GRID1: variants seen among roughly 807,000 people sequenced by gnomAD.
GRID1 encodes glutamate ionotropic receptor delta type subunit 1.
A neutral mutation model predicts 98.0 loss-of-function variants in GRID1; 28 were observed. The observed-to-expected ratio is 0.29, with a 90% confidence interval of 0.21 to 0.39. The LOEUF (loss-of-function observed/expected upper bound fraction) is 0.39. Among genes scored for constraint, GRID1 ranks in the 10% least tolerant of loss-of-function variants. GRID1 has a pLI of 1.00. For missense variants in GRID1, 1,111 were observed against 1,340.5 expected, an observed-to-expected ratio of 0.83 and a Z score of 2.67; for synonymous variants, 553 against 538.5, an observed-to-expected ratio of 1.03 and a Z score of -0.37.
At chr10:86,214,273 G>A (rs943286037) in intron 2 of GRID1, among the ~76,000 whole-genome samples, 22 of 152,202 alleles carry the variant, frequency 1.4e-4, no homozygotes, top group Admixed American at 7.2e-4. Context: ...TAACTCAAGC[G>A]TCCCAAGCTC....
rs562937182 is a variant in GRID1, at chr10:86,321,526, T to C, written c.235+42415A>G. Among the ~76,000 whole-genome samples the C allele has an allele frequency of 1.2e-4, 18 of 152,290 alleles. No homozygotes were observed. The South Asian group carries it at 3.7e-3, about 32-fold the overall frequency. On this transcript the variant is annotated intron_variant, in intron 2 of 15. Coordinates refer to ENST00000327946, the MANE Select transcript of GRID1 (RefSeq NM_017551.3). ...TAGGGCAGGAATCATGAAGAATGCTTGCAAGGCAGAAGGTTGATGGGTTCG... is the reference window on the plus strand; with the variant it reads ...TAGGGCAGGAATCATGAAGAATGCTCGCAAGGCAGAAGGTTGATGGGTTCG...
chr10:85,658,281 CA>C (rs1840926348), intron 12 of GRID1, among the ~76,000 whole-genome samples: 3 of 152,188 alleles, frequency 2.0e-5, no homozygotes, highest in African/African-American at 7.2e-5. Flanking sequence ...GCTTCTCCAG[CA>C]GTCACTTGAT....
At chr10:85,683,115 A>T (rs1439446379) in intron 12 of GRID1, among the ~76,000 whole-genome samples, 1 of 152,248 alleles carries the variant, frequency 6.6e-6, no homozygotes, top group Non-Finnish European at 1.5e-5. Flanking sequence ...CACAGAAATT[A>T]TAACAGAGCT....
chr10:85,705,692 G>A (rs1176913318), intron 12 of GRID1, among the ~76,000 whole-genome samples: 3 of 152,056 alleles, frequency 2.0e-5, no homozygotes, highest in Admixed American at 6.6e-5. Flanking sequence ...GATGAACATC[G>A]ATGCAAAAAT....
intron 4 of GRID1, among the ~76,000 whole-genome samples, chr10:86,122,079 C>A (rs1844685174): frequency 6.6e-6 from 1 of 152,188 alleles, no homozygotes; most frequent in South Asian, 2.1e-4. Flanking sequence ...CTAAGGGCAA[C>A]CTGTGCCATA....
chr10:86,165,460 T>C (rs1284354971), intron 3 of GRID1, among the ~76,000 whole-genome samples: 1 of 152,150 alleles, frequency 6.6e-6, no homozygotes, highest in Admixed American at 6.5e-5. Flanking sequence ...GCAGCATTGC[T>C]TGCTGGCCTC....
chr10:85,692,493 C>T (rs1308247331), intron 12 of GRID1, among the ~76,000 whole-genome samples: 1 of 151,594 alleles, frequency 6.6e-6, no homozygotes, highest in Non-Finnish European at 1.5e-5. Context: ...AAAATCTCAT[C>T]TCTATAAAAA....
chr10:85,876,188 A>G (rs1415036921), intron 5 of GRID1, among the ~76,000 whole-genome samples: 1 of 152,122 alleles, frequency 6.6e-6, no homozygotes, highest in Non-Finnish European at 1.5e-5. Context: ...GTTTTATTCT[A>G]TCATATTTCT....
intron 3 of GRID1, among the ~76,000 whole-genome samples, chr10:86,155,553 G>A (rs1639436222): frequency 6.6e-6 from 1 of 152,198 alleles, no homozygotes. Context: ...AATAAAATAT[G>A]AGCAATTCAT....
In GRID1 at chr10:86,027,293, C is replaced by G. The variant is rs552251355; in HGVS notation, c.727-111054G>C. 2.8e-3 allele frequency among the ~76,000 whole-genome samples: 428 copies of G among 152,318 alleles called. 2 individuals carry two copies. Among genetic ancestry groups the G allele is most frequent in the Non-Finnish European group, 4.4e-3 (302 of 68,028 alleles). ...AGCCCCTGCAACCACTCATTGCTCT[C>G]TGTCTCCATGGATTTGCCTGTTCTG... On this transcript the variant is annotated intron_variant, in intron 4 of 15. Transcript: ENST00000327946.
intron 2 of GRID1, among the ~76,000 whole-genome samples, chr10:86,219,961 A>G (rs1245464871): frequency 2.0e-5 from 3 of 152,154 alleles, no homozygotes; most frequent in Non-Finnish European, 4.4e-5. Flanking sequence ...CACCTCTACC[A>G]CACAGCAGCC....
At chr10:85,724,249 G>A (rs1482295615) in intron 11 of GRID1, 103 bp downstream of exon 11, 3 of 799,256 alleles carry the variant, frequency 3.8e-6, no homozygotes, top group Non-Finnish European at 5.9e-6. Context: ...AAGTAAAATT[G>A]CATTTGGAAT....
intron 2 of GRID1, among the ~76,000 whole-genome samples, chr10:86,268,659 T>G (rs1847141111): frequency 6.6e-6 from 1 of 152,072 alleles, no homozygotes. Flanking sequence ...CATGATGAAA[T>G]CTGAAAAAGT....
At chr10:85,741,322 C>A (rs2949374) in intron 8 of GRID1, among the ~76,000 whole-genome samples, 2 of 151,896 alleles carry the variant, frequency 1.3e-5, no homozygotes, top group Non-Finnish European at 2.9e-5. Flanking sequence ...GTGTTGGAAA[C>A]TTACTTTAAG....
At chr10:85,616,485 T>C (rs1222917478) in intron 14 of GRID1, among the ~76,000 whole-genome samples, 1 of 152,202 alleles carries the variant, frequency 6.6e-6, no homozygotes, top group Non-Finnish European at 1.5e-5. Context: ...CTCCGCTCAT[T>C]AGGCAGATCC....
chr10:85,607,524 A>G (rs944601394), intron 15 of GRID1, among the ~76,000 whole-genome samples: 19 of 152,174 alleles, frequency 1.2e-4, no homozygotes, highest in African/African-American at 3.9e-4. Context: ...AGGACAAAGG[A>G]GCTCAAGTAC....
chr10:86,020,933 T>C (rs962110170), intron 4 of GRID1, among the ~76,000 whole-genome samples: 2 of 152,210 alleles, frequency 1.3e-5, no homozygotes, highest in Non-Finnish European at 2.9e-5. Flanking sequence ...TTTTCATAAA[T>C]GAACACACAG....
At chr10:85,604,836 T>G (rs1379347254) in intron 15 of GRID1, among the ~76,000 whole-genome samples, 1 of 152,248 alleles carries the variant, frequency 6.6e-6, no homozygotes, top group African/African-American at 2.4e-5. Flanking sequence ...TGTTAGTGGC[T>G]TAGCGCCACT....
intron 5 of GRID1, among the ~76,000 whole-genome samples, chr10:85,877,589 G>T (rs1000511887): frequency 6.6e-6 from 1 of 152,120 alleles, no homozygotes; most frequent in Non-Finnish European, 1.5e-5. Flanking sequence ...CTAACAAAAA[G>T]AAAAGGACAT....
Sources: allele counts gnomAD v4.1 joint callset (sites outside exome capture counted in the v4.1 genomes callset), GRCh38; gene constraint gnomAD v4.1.1; transcripts MANE v1.5; gene names NCBI Gene and HGNC (gene_info 2026-07-23, HGNC 2026-07-21).